DYNLL1: variants seen among roughly 807,000 people sequenced by gnomAD.
The protein encoded by DYNLL1 is dynein light chain LC8-type 1.
Under a neutral mutation model 10.1 loss-of-function variants are expected in DYNLL1, and 3 were observed. The observed-to-expected ratio is 0.30, with a 90% confidence interval of 0.14 to 0.77. DYNLL1 has a LOEUF of 0.77. Among genes scored for constraint, DYNLL1 ranks in the 30% least tolerant of loss-of-function variants. The probability of loss-of-function intolerance (pLI) is 0.66; values close to 1 mark genes in which losing one functional copy is unlikely to be tolerated. For synonymous variants in DYNLL1, 46 were observed against 41.2 expected (o/e 1.12, Z -0.45); for missense variants, 47 against 111.7 (o/e 0.42, Z 2.61).
At chr12:120,478,833 C>A (rs536207417) in intron 1 of DYNLL1, among the ~76,000 whole-genome samples, 3 of 149,388 alleles carry the variant, frequency 2.0e-5, no homozygotes, top group Non-Finnish European at 4.5e-5. Flanking sequence ...TACAGGCGCC[C>A]GCCACCACGC....
chr12:120,494,093 A>C (rs1879205471), upstream of DYNLL1, among the ~76,000 whole-genome samples: 1 of 152,010 alleles, frequency 6.6e-6, no homozygotes, highest in African/African-American at 2.4e-5. Context: ...CCGTGGCTTT[A>C]CTTTAGTGTC....
chr12:120,476,979 G>C (rs1878769479), intron 1 of DYNLL1, among the ~76,000 whole-genome samples: 1 of 151,820 alleles, frequency 6.6e-6, no homozygotes, highest in Non-Finnish European at 1.5e-5. Flanking sequence ...GCCCAGGCTG[G>C]AGTGCAGTGG....
chr12:120,484,800 G>A (rs1402179327), intron 1 of DYNLL1, among the ~76,000 whole-genome samples: 6 of 150,482 alleles, frequency 4.0e-5, no homozygotes, highest in Admixed American at 6.7e-5. Flanking sequence ...GTGCAATAGC[G>A]CAATCTCGGA....
intron 1 of DYNLL1, among the ~76,000 whole-genome samples, chr12:120,479,216 C>T (rs1490106499): frequency 6.7e-6 from 1 of 149,106 alleles, no homozygotes; most frequent in African/African-American, 2.4e-5. Context: ...AATCCCAGCA[C>T]TTTGGGAGGC....
chr12:120,478,668 AT>A lies in DYNLL1; in HGVS notation c.-7+8565del, dbSNP rs1267296282. Among the ~76,000 whole-genome samples the A allele has an allele frequency of 3.4e-5, 5 of 147,310 alleles. No individual in the cohort carries two copies. The South Asian group carries it at 1.1e-3, about 33-fold the overall frequency. Reference sequence around the variant, plus strand: ...GGAGTTCGAGACCAGCCTGGCCAACATGGTGAAACCACGTCTGTTTTCTTTT... The same window carrying A: ...GGAGTTCGAGACCAGCCTGGCCAACAGGTGAAACCACGTCTGTTTTCTTTT... On this transcript the variant is annotated intron_variant, in intron 1 of 2. Coordinates refer to the DYNLL1 transcript ENST00000392509.
At position 120,496,179 on chromosome 12, in the gene DYNLL1, C is replaced by A. The variant is rs1166780653; in HGVS notation, c.-44C>A. 2 of 618,694 alleles carry A rather than the reference C, an allele frequency of 3.2e-6. No homozygotes were observed. The highest frequency in any genetic ancestry group is 2.8e-6 in the Non-Finnish European group (1 of 354,538). 38.3% of individuals were successfully genotyped at this position (618,694 alleles called of 1,614,324 possible). A position where few individuals can be genotyped will look rare whatever the true frequency, so the allele number is the denominator to read the frequency against. ...GCCTGAGCTGTGCTAGCACCTCCCC[C>A]AGGAGACCGTTGCAGTCGGCCAGCC... On this transcript the variant is annotated 5_prime_UTR_variant, in exon 1 of 3. Coordinates refer to ENST00000242577, the MANE Select transcript of DYNLL1 (RefSeq NM_003746.3).
At position 120,496,146 on chromosome 12, in the gene DYNLL1, C is replaced by T. The variant is rs552461487; in HGVS notation, c.-77C>T. 5.5e-6 allele frequency: 3 copies of T among 544,848 alleles called. No homozygotes were observed. The highest frequency in any genetic ancestry group is 9.8e-6 in the Non-Finnish European group (3 of 306,476). 33.8% of individuals were successfully genotyped at this position (544,848 alleles called of 1,614,324 possible). ...CACGGTTTCGGTAGCGACGGTATCT[C>T]TAGCCGGGCCTGAGCTGTGCTAGCA... On this transcript the variant is annotated 5_prime_UTR_variant, in exon 1 of 3. Coordinates refer to ENST00000242577, the MANE Select transcript of DYNLL1 (RefSeq NM_003746.3).
At chr12:120,474,662 C>G (rs1878717583) in intron 1 of DYNLL1, among the ~76,000 whole-genome samples, 1 of 152,228 alleles carries the variant, frequency 6.6e-6, no homozygotes, top group African/African-American at 2.4e-5. Flanking sequence ...CTCCTTTTCT[C>G]TGTGACATCA....
intron 1 of DYNLL1, among the ~76,000 whole-genome samples, chr12:120,478,603 G>A (rs1210844088): frequency 6.6e-6 from 1 of 150,432 alleles, no homozygotes; most frequent in African/African-American, 2.4e-5. Flanking sequence ...TGTAATCCTA[G>A]CACTTAGGGA....
At chr12:120,483,289 G>C (rs1321918078) in intron 1 of DYNLL1, among the ~76,000 whole-genome samples, 2 of 150,966 alleles carry the variant, frequency 1.3e-5, no homozygotes, top group Non-Finnish European at 2.9e-5. Context: ...AGTGAGCTGA[G>C]ATTGTGCTAC....
upstream of DYNLL1, chr12:120,491,339 CTGCCAGCCCCAGGCTGG>C (rs71886391): frequency 0.16 from 24,961 of 151,440 alleles, 2,545 homozygotes; most frequent in Middle Eastern, 0.24. Context: ...CTCAGCTCCA[CTGCCAGCCCCAGGCTGG>C]TGCCAGCCCT....
intron 2 of DYNLL1, chr12:120,496,828 C>A: frequency 3.3e-6 from 2 of 599,300 alleles, no homozygotes; most frequent in Non-Finnish European, 5.8e-6. Flanking sequence ...AGCAGCGGTT[C>A]CCCCTTCTGT....
intron 2 of DYNLL1, chr12:120,497,825 C>T (rs1868504827): frequency 2.1e-6 from 1 of 481,562 alleles, no homozygotes; most frequent in African/African-American, 2.0e-5. Context: ...ACAAAACACC[C>T]TGTCTTTAGG....
chr12:120,474,230 G>C (rs1186687328), intron 1 of DYNLL1, among the ~76,000 whole-genome samples: 1 of 151,866 alleles, frequency 6.6e-6, no homozygotes, highest in Non-Finnish European at 1.5e-5. Context: ...AGCCCAGGAG[G>C]CAGAGGTTGC....
At chr12:120,479,732 C>A (rs370960634) in intron 1 of DYNLL1, among the ~76,000 whole-genome samples, 5 of 152,202 alleles carry the variant, frequency 3.3e-5, no homozygotes, top group African/African-American at 1.2e-4. Flanking sequence ...CAGAGGCAAG[C>A]TTGGGGCTTT....
chr12:120,489,317 C>T (rs1383443738), intron 1 of DYNLL1, among the ~76,000 whole-genome samples: 1 of 152,246 alleles, frequency 6.6e-6, no homozygotes, highest in African/African-American at 2.4e-5. Context: ...GCATCTCAAA[C>T]TTAACATGGC....
intron 1 of DYNLL1, among the ~76,000 whole-genome samples, chr12:120,470,273 T>G (rs1878615620): frequency 6.6e-6 from 1 of 152,056 alleles, no homozygotes; most frequent in African/African-American, 2.4e-5. Flanking sequence ...ACTTGTGCTT[T>G]TCATCCTCTC....
At chr12:120,487,135 C>T (rs920319713) in intron 1 of DYNLL1, among the ~76,000 whole-genome samples, 5 of 151,590 alleles carry the variant, frequency 3.3e-5, no homozygotes, top group African/African-American at 4.8e-5. Context: ...CCACCACACC[C>T]GGCTAATTTT....
chr12:120,494,108 G>A (rs1424056210), upstream of DYNLL1, among the ~76,000 whole-genome samples: 1 of 151,958 alleles, frequency 6.6e-6, no homozygotes, highest in Non-Finnish European at 1.5e-5. Context: ...AGTGTCATTT[G>A]CATTTCCAGG....
Sources: gnomAD v4.1 joint callset for allele counts (sites outside exome capture counted in the v4.1 genomes callset) on GRCh38, gnomAD v4.1.1 for gene constraint, MANE v1.5 for transcripts, NCBI Gene and HGNC (gene_info 2026-07-23, HGNC 2026-07-21) for gene names.